Variants in FGFR1 observed in about 807,000 individuals in gnomAD.
FGFR1 encodes fibroblast growth factor receptor 1.
Under a neutral mutation model 93.7 loss-of-function variants are expected in FGFR1, and 18 were observed. The observed-to-expected ratio is 0.19, with a 90% CI of 0.13 to 0.28. The LOEUF (loss-of-function observed/expected upper bound fraction) is 0.28. Among genes scored for constraint, FGFR1 ranks in the 10% least tolerant of loss-of-function variants. FGFR1 has a pLI of 1.00. For synonymous variants in FGFR1, 448 were observed against 429.3 expected (o/e 1.04, Z -0.54); for missense variants, 731 against 1,080.4 (o/e 0.68, Z 4.53).
At chr8:38,466,906 A>T (rs200481141) in intron 1 of FGFR1, among the ~76,000 whole-genome samples, 3 of 93,832 alleles carry the variant, frequency 3.2e-5, no homozygotes, top group Admixed American at 3.0e-4. Flanking sequence ...CCCCCCCCCC[A>T]CCACCACCAA....
At chr8:38,428,980 G>A (rs902179471) in intron 3 of FGFR1, 7 of 307,798 alleles carry the variant, frequency 2.3e-5, no homozygotes, top group African/African-American at 1.3e-4. Context: ...TCCCCAATAA[G>A]TATTTATTTC....
At chr8:38,423,145 C>T (rs1243725480) in intron 7 of FGFR1, 2 of 779,584 alleles carry the variant, frequency 2.6e-6, no homozygotes, top group Non-Finnish European at 4.8e-6. Flanking sequence ...AGGGTCAGCA[C>T]CTCCGCATCC....
intron 2 of FGFR1, among the ~76,000 whole-genome samples, chr8:38,443,615 G>A (rs970759319): frequency 1.3e-5 from 2 of 152,144 alleles, no homozygotes; most frequent in African/African-American, 4.8e-5. Flanking sequence ...CGAGGCTGCA[G>A]TGAGCTGAGA....
Position 38,413,304 on chromosome 8 carries a change from C to CAT in FGFR1, c.*322_*323dup. On this transcript the variant is annotated 3_prime_UTR_variant, in exon 18 of 18. Coordinates refer to ENST00000447712, the MANE Select transcript of FGFR1 (RefSeq NM_023110.3). The surrounding 1 kb of genome is among the most constrained non-coding windows in gnomAD (Gnocchi z 4.2). ...AGAAAGCTCAGGAAGCTCTCACTTG[C>CAT]ATGCCTGTTCATTGGCTCCCACTCC... The CAT allele has an allele frequency of 2.3e-6, 1 of 440,902 alleles. No homozygotes were observed. Among genetic ancestry groups the CAT allele is most frequent in the Non-Finnish European group, 4.1e-6 (1 of 244,982 alleles). The allele number at this position is 440,902 out of a possible 1,614,324, so 27.3% of individuals were successfully genotyped here.
At chr8:38,447,149 A>ACACACACC (rs1829618390) in intron 2 of FGFR1, among the ~76,000 whole-genome samples, 2 of 129,878 alleles carry the variant, frequency 1.5e-5, no homozygotes, top group Non-Finnish European at 3.4e-5. Flanking sequence ...ACACACACAC[A>ACACACACC]CACCCCTGAC....
At chr8:38,450,143 A>G (rs959226187) in intron 2 of FGFR1, among the ~76,000 whole-genome samples, 1 of 152,208 alleles carries the variant, frequency 6.6e-6, no homozygotes, top group African/African-American at 2.4e-5. Flanking sequence ...TAGGGCAGTT[A>G]GCTTTCAGCT....
At chr8:38,445,322 T>C (rs939309799) in intron 2 of FGFR1, among the ~76,000 whole-genome samples, 1 of 152,128 alleles carries the variant, frequency 6.6e-6, no homozygotes, top group Admixed American at 6.5e-5. Context: ...CTGGGGTGCT[T>C]CTCCAGAATC....
intron 2 of FGFR1, among the ~76,000 whole-genome samples, chr8:38,436,192 T>G (rs754548165): frequency 6.6e-6 from 1 of 151,954 alleles, no homozygotes; most frequent in Non-Finnish European, 1.5e-5. Context: ...CCTGGCAACA[T>G]AGTGAGACCC....
chr8:38,463,233 A>G (rs1198371851), intron 1 of FGFR1: 2 of 171,630 alleles, frequency 1.2e-5, no homozygotes, highest in Non-Finnish European at 2.5e-5. Context: ...ATAGGGCGCC[A>G]CAGCTCGAAG....
chr8:38,432,624 C>G (rs1486307936), intron 2 of FGFR1, among the ~76,000 whole-genome samples: 1 of 152,088 alleles, frequency 6.6e-6, no homozygotes. Context: ...TCAGGCTGGT[C>G]TAAAGCTCCT....
chr8:38,464,495 C>CAGGGGAGAGATAAATGGTGGCG lies in FGFR1; in HGVS notation c.-89+3464_-89+3485dup, dbSNP rs1835105919. Among the ~76,000 whole-genome samples the CAGGGGAGAGATAAATGGTGGCG allele has an allele frequency of 2.0e-5, 3 of 151,970 alleles. No individual in the cohort carries two copies. In the South Asian group the frequency reaches 6.2e-4, roughly 31 times the overall value. On this transcript the variant is annotated intron_variant, in intron 1 of 17. Coordinates refer to ENST00000447712, the MANE Select transcript of FGFR1 (RefSeq NM_023110.3). ...GCCCTAAACATGGTTTCTTTCATTGCAGGGGAGAGATAAATGGTGGCGAGG... is the reference window on the plus strand; with the variant it reads ...GCCCTAAACATGGTTTCTTTCATTGCAGGGGAGAGATAAATGGTGGCGAGGGGAGAGATAAATGGTGGCGAGG...
At chr8:38,453,246 G>A (rs117127648) in intron 2 of FGFR1, among the ~76,000 whole-genome samples, 2,230 of 152,256 alleles carry the variant, frequency 0.015, 37 homozygotes, top group Non-Finnish European at 0.022. Flanking sequence ...CAAGTGCAGG[G>A]GCTTTCCGTT....
rs779780082 is a variant in FGFR1, at chr8:38,426,259, C to A, written c.622-14G>T. ...GGCATAACGGACCTGAGGGGAAATGCCAAAGGGATACATTGAGGGTCCAGA... is the reference window on the plus strand; with the variant it reads ...GGCATAACGGACCTGAGGGGAAATGACAAAGGGATACATTGAGGGTCCAGA... On this transcript the variant is annotated splice_polypyrimidine_tract_variant and intron_variant, in intron 5 of 17. Coordinates refer to ENST00000447712, the MANE Select transcript of FGFR1 (RefSeq NM_023110.3). This position sits in a 1 kb window ranked among gnomAD's most constrained non-coding sequence, Gnocchi z 4.1. 1.2e-6 allele frequency: 2 copies of A among 1,613,872 alleles called. No homozygotes were observed. Among genetic ancestry groups the A allele is most frequent in the Non-Finnish European group, 1.7e-6 (2 of 1,179,966 alleles).
At chr8:38,433,694 G>A (rs10108561) in intron 2 of FGFR1, among the ~76,000 whole-genome samples, 4,678 of 152,258 alleles carry the variant, frequency 0.031, 238 homozygotes, top group African/African-American at 0.11. Context: ...CTAATTTTCT[G>A]TAAAACAGTT....
Position 38,421,742 on chromosome 8 carries a change from C to T in FGFR1, c.1081+55G>A, listed in dbSNP as rs17182366. 5.6e-4 allele frequency: 882 copies of T among 1,585,330 alleles called. 6 individuals carry two copies. In the African/African-American group the frequency reaches 0.01, roughly 19 times the overall value. ...CTCCCCAAGCCTGGAAATGCATGCT[C>T]CCCCCGTGCCCGTGGCGAGGGCAGG... On this transcript the variant is annotated intron_variant, in intron 8 of 17. Transcript: ENST00000447712.
In FGFR1 at chr8:38,414,042, G is replaced by T. The variant is rs376583717; in HGVS notation, c.2187-19C>A. 13 of 1,613,654 alleles carry T rather than the reference G, an allele frequency of 8.1e-6. No homozygotes were observed. In the Admixed American group the frequency reaches 1.8e-4, roughly 23 times the overall value. ...CATGTACCTGCGGCAGGACTGTAAG[G>T]TCAGGGACGTCTCCTGGAGATGGAT... On this transcript the variant is annotated intron_variant, in intron 16 of 17. Transcript: ENST00000447712.
At chr8:38,415,532 G>T (rs1816195278) in intron 13 of FGFR1, among the ~76,000 whole-genome samples, 1 of 151,254 alleles carries the variant, frequency 6.6e-6, no homozygotes, top group African/African-American at 2.4e-5. Flanking sequence ...ACACTCCTGA[G>T]CTCAAGCAAT....
Position 38,414,546 on chromosome 8 carries a change from A to G in FGFR1, c.2048+13T>C, listed in dbSNP as rs745585127. The G allele has an allele frequency of 6.2e-7, 1 of 1,614,012 alleles. No individual in the cohort carries two copies. On this transcript the variant is annotated intron_variant, in intron 15 of 17. Transcript: ENST00000447712. The stretch of plus-strand genomic sequence containing the variant: ...ATCCCACACCTCCCTGGCAATTGCT[A>G]TTACAAACTCACACATCACTCTGGT...
rs754548165 is a variant in FGFR1 at position 38,436,192 on chromosome 8, T to C, written c.92-6244A>G. ...GAGTTCAAAACCAGCCCTGGCAACA[T>C]AGTGAGACCCTGTCTCTGCGAAAAA... On this transcript the variant is annotated intron_variant, in intron 2 of 17. Coordinates refer to ENST00000447712, the MANE Select transcript of FGFR1 (RefSeq NM_023110.3). 8.5e-5 allele frequency among the ~76,000 whole-genome samples: 13 copies of C among 152,072 alleles called. No homozygotes were observed. The East Asian group carries it at 9.7e-4, about 11-fold the overall frequency.
Sources: allele counts gnomAD v4.1 joint callset (sites outside exome capture counted in the v4.1 genomes callset), GRCh38; gene constraint gnomAD v4.1.1; non-coding constraint Gnocchi (gnomAD v3.1); transcripts MANE v1.5; gene names NCBI Gene and HGNC (gene_info 2026-07-23, HGNC 2026-07-21).